The following SKAP1 variants were observed in gnomAD, a reference collection of about 807,000 sequenced individuals.
SKAP1 encodes the protein src kinase associated phosphoprotein 1.
SKAP1 carries 44 observed loss-of-function variants against 58.5 expected under a neutral mutation model. The ratio of observed to expected loss-of-function variants is 0.75; its 90% CI spans 0.59 to 0.97. SKAP1 has a LOEUF of 0.97. Among genes scored for constraint, SKAP1 ranks in the 50% least tolerant of loss-of-function variants. The probability of loss-of-function intolerance (pLI) is 0.00; values close to 1 mark genes in which losing one functional copy is unlikely to be tolerated. For missense variants in SKAP1, 390 were observed against 435.2 expected (o/e 0.90, Z 0.92); for synonymous variants, 127 against 149.7 (o/e 0.85, Z 1.11).
chr17:48,435,391 G>T, the SKAP1 span, among the ~76,000 whole-genome samples: 3 of 152,144 alleles, frequency 2.0e-5, no homozygotes, highest in Non-Finnish European at 2.9e-5. Context: ...GAGATGGGGG[G>T]ACTCAGAATG....
At chr17:48,227,493 A>C (rs1026415175) in intron 4 of SKAP1, among the ~76,000 whole-genome samples, 7 of 152,218 alleles carry the variant, frequency 4.6e-5, no homozygotes, top group Non-Finnish European at 8.8e-5. Context: ...TTTAAAACCT[A>C]AATTTTATGC....
intron 4 of SKAP1, among the ~76,000 whole-genome samples, chr17:48,229,521 T>G (rs564900267): frequency 7.5e-4 from 114 of 152,148 alleles, no homozygotes; most frequent in Non-Finnish European, 1.5e-3. Context: ...CTCGGGAGGC[T>G]GAGGCAGGAG....
chr17:48,414,200 C>T (rs1253397909), intron 1 of SKAP1, among the ~76,000 whole-genome samples: 1 of 152,014 alleles, frequency 6.6e-6, no homozygotes. Context: ...GGTGTACAGG[C>T]CCATAGTAGA....
At chr17:48,211,019 A>T (rs910633904) in intron 4 of SKAP1, among the ~76,000 whole-genome samples, 22 of 152,118 alleles carry the variant, frequency 1.4e-4, no homozygotes, top group Non-Finnish European at 1.5e-5. Flanking sequence ...GACTGGGGGG[A>T]GGCACCCCAG....
intron 4 of SKAP1, among the ~76,000 whole-genome samples, chr17:48,217,771 T>C (rs562831687): frequency 7.9e-5 from 12 of 152,164 alleles, no homozygotes; most frequent in Non-Finnish European, 1.8e-4. Flanking sequence ...TTGAGGCTAA[T>C]AAAGGCACCA....
chr17:48,137,939 G>A (rs1402116999), intron 11 of SKAP1, among the ~76,000 whole-genome samples: 1 of 152,134 alleles, frequency 6.6e-6, no homozygotes, highest in Non-Finnish European at 1.5e-5. Flanking sequence ...CTATCTTGTG[G>A]GGATGTAAAT....
chr17:48,160,065 G>T (rs2064045648), intron 11 of SKAP1, among the ~76,000 whole-genome samples: 1 of 152,154 alleles, frequency 6.6e-6, no homozygotes, highest in Non-Finnish European at 1.5e-5. Flanking sequence ...GAAAGAAACT[G>T]ATAGAAACAG....
At chr17:48,145,414 A>G (rs947632674) in intron 11 of SKAP1, among the ~76,000 whole-genome samples, 1 of 32,410 alleles carries the variant, frequency 3.1e-5, no homozygotes, top group South Asian at 9.3e-4. Flanking sequence ...ATCTCCATCA[A>G]CAAGGAAAAA....
At chr17:48,316,537 G>A (rs1224126594) in intron 4 of SKAP1, among the ~76,000 whole-genome samples, 1 of 151,982 alleles carries the variant, frequency 6.6e-6, no homozygotes, top group Non-Finnish European at 1.5e-5. Flanking sequence ...GTTGTGTTTA[G>A]TTTCAGACCA....
At chr17:48,251,915 G>C (rs2065368564) in intron 4 of SKAP1, among the ~76,000 whole-genome samples, 1 of 152,136 alleles carries the variant, frequency 6.6e-6, no homozygotes, top group Admixed American at 6.5e-5. Flanking sequence ...TATTTCTCTG[G>C]ACACTTGCTA....
chr17:48,146,838 G>A (rs2063839191), intron 11 of SKAP1, among the ~76,000 whole-genome samples: 1 of 152,098 alleles, frequency 6.6e-6, no homozygotes, highest in Non-Finnish European at 1.5e-5. Context: ...ATGTTGGCCA[G>A]GCTGGTCTCG....
At chr17:48,401,788 T>G (rs942691601) in intron 1 of SKAP1, among the ~76,000 whole-genome samples, 1 of 150,484 alleles carries the variant, frequency 6.6e-6, no homozygotes, top group Admixed American at 6.6e-5. Flanking sequence ...ATCATCAAAT[T>G]TAAAAGCTAT....
At chr17:48,287,517 A>G (rs1218415803) in intron 4 of SKAP1, among the ~76,000 whole-genome samples, 2 of 152,208 alleles carry the variant, frequency 1.3e-5, no homozygotes, top group Non-Finnish European at 1.5e-5. Flanking sequence ...AAGCAGAAAC[A>G]TAGTTCCTAC....
intron 2 of SKAP1, among the ~76,000 whole-genome samples, chr17:48,395,084 A>C (rs530838887): frequency 6.6e-6 from 1 of 152,204 alleles, no homozygotes; most frequent in Non-Finnish European, 1.5e-5. Flanking sequence ...GTTCTTTGAG[A>C]ACAAGAATTT....
intron 4 of SKAP1, among the ~76,000 whole-genome samples, chr17:48,195,705 C>T (rs2064617405): frequency 6.6e-6 from 1 of 152,148 alleles, no homozygotes; most frequent in African/African-American, 2.4e-5. Flanking sequence ...GCAACAGGAG[C>T]TAGACTAAAG....
intron 2 of SKAP1, among the ~76,000 whole-genome samples, chr17:48,393,578 C>T (rs2067376779): frequency 6.6e-6 from 1 of 152,104 alleles, no homozygotes; most frequent in African/African-American, 2.4e-5. Context: ...AAGTCCACAA[C>T]CATGGCAAAT....
At chr17:48,181,680 C>T (rs2064370594) in intron 8 of SKAP1, among the ~76,000 whole-genome samples, 1 of 152,164 alleles carries the variant, frequency 6.6e-6, no homozygotes, top group South Asian at 2.1e-4. Flanking sequence ...GTGTTTCTGC[C>T]TTTCTGCAGA....
chr17:48,244,176 G>C (rs1379545134), intron 4 of SKAP1, among the ~76,000 whole-genome samples: 2 of 152,208 alleles, frequency 1.3e-5, no homozygotes, highest in Non-Finnish European at 2.9e-5. Context: ...GGAAGTAGCA[G>C]AATGCATGGC....
intron 4 of SKAP1, among the ~76,000 whole-genome samples, chr17:48,274,419 G>A (rs560025868): frequency 6.6e-5 from 10 of 151,066 alleles, no homozygotes; most frequent in African/African-American, 2.2e-4. Flanking sequence ...TTTTTTGGCC[G>A]GGCATGGTGG....
Sources: allele counts gnomAD v4.1 joint callset (sites outside exome capture counted in the v4.1 genomes callset), GRCh38; gene constraint gnomAD v4.1.1; transcripts MANE v1.5; gene names NCBI Gene and HGNC (gene_info 2026-07-23, HGNC 2026-07-21).